Variants in MUC5B observed in about 807,000 individuals in gnomAD.
MUC5B encodes the protein mucin 5B, oligomeric mucus/gel-forming, also known as mucin-5B.
In MUC5B, 116 loss-of-function variants were observed where a neutral mutation model predicts 376.9. The observed-to-expected ratio is 0.31, with a 90% confidence interval of 0.26 to 0.36. The LOEUF (loss-of-function observed/expected upper bound fraction) is 0.36. Ranked by LOEUF, MUC5B falls within the 10% of genes least tolerant of loss-of-function variation. The pLI is 1.00. For synonymous variants in MUC5B, 3,517 were observed against 3,390.9 expected, an observed-to-expected ratio of 1.04 and a Z score of -1.29; for missense variants, 7,165 against 7,769.9, an observed-to-expected ratio of 0.92 and a Z score of 2.93.
chr11:1,239,124 C>T (rs771643016), intron 26 of MUC5B, 97 bp downstream of exon 26: 11 of 1,415,052 alleles, frequency 7.8e-6, no homozygotes, highest in Non-Finnish European at 1.1e-5. Context: ...TGGGCCTGAG[C>T]CGCACACAGA....
chr11:1,259,104 C>A (rs56020111), intron 44 of MUC5B, 43 bp downstream of exon 44: 42,623 of 1,518,332 alleles, frequency 0.028, 788 homozygotes, highest in Non-Finnish European at 0.031. Context: ...CCCCGAGGCA[C>A]CTGCCCCCAA....
In MUC5B at chr11:1,261,679, C is replaced by T. The variant is rs1862998505; in HGVS notation, c.*71C>T. On this transcript the variant is annotated 3_prime_UTR_variant, in exon 49 of 49. Coordinates refer to ENST00000529681, the MANE Select transcript of MUC5B (RefSeq NM_002458.3). ...ATGTGCATTGTCTGATCATGAAAAC[C>T]TTGGGCCTCCTCTGCGGAGCCCCCC... 3.0e-5 allele frequency: 43 copies of T among 1,442,486 alleles called. No individual in the cohort carries two copies. Among genetic ancestry groups the T allele is most frequent in the Non-Finnish European group, 4.1e-5 (43 of 1,055,226 alleles). The allele number at this position is 1,442,486 out of a possible 1,614,324, so 89.4% of individuals were successfully genotyped here.
rs1564930487 is a variant in MUC5B, at chr11:1,225,753, CG to C, written c.127+21del. On this transcript the variant is annotated intron_variant, in intron 2 of 48. Coordinates refer to ENST00000529681, the MANE Select transcript of MUC5B (RefSeq NM_002458.3). ...ATGGATGGCGGTATGTGGCCAGGTT[CG>C]GGGGTGGGGGGTTCCTGACCAGGCT... The C allele has an allele frequency of 1.2e-5, 19 of 1,596,848 alleles. No individual in the cohort carries two copies. Among genetic ancestry groups the C allele is most frequent in the Non-Finnish European group, 1.6e-5 (19 of 1,171,818 alleles).
intron 1 of MUC5B, 92 bp from the exon 2 acceptor site, chr11:1,225,589 G>C (rs999956723): frequency 2.5e-6 from 3 of 1,187,698 alleles, no homozygotes; most frequent in Non-Finnish European, 3.6e-6. Context: ...ACATGCGGCT[G>C]CCGCACCAGG....
chr11:1,256,567 C>A, intron 38 of MUC5B, 104 bp from the exon 39 acceptor site: 1 of 559,570 alleles, frequency 1.8e-6, no homozygotes, highest in South Asian at 2.0e-5. Context: ...TCCACCCATT[C>A]ATCTCCTTCC....
At position 1,232,761 on chromosome 11, in the gene MUC5B, G is replaced by A. The variant is rs751933906; in HGVS notation, c.2056G>A (p.Gly686Ser). Reference protein sequence around the residue: ...KGVQLSDWRDGVCTKYMQNCP... With the variant: ...KGVQLSDWRDSVCTKYMQNCP... ...CGTACAGCTCAGCGACTGGAGGGAC[G>A]GCGTCTGCAGTGAGTGCCCACGCTG... Residue 686 changes from glycine (G) to serine (S), a missense_variant, in exon 17 of 49, where the codon GGC becomes AGC. Physicochemically the swap from Gly to Ser is moderately conservative, Grantham distance 56 (BLOSUM62 0). Around this residue, in one of 31 missense-constraint regions of MUC5B, gnomAD observed 530 missense variants for 604.0 expected, o/e 0.88. Coordinates refer to ENST00000529681, the MANE Select transcript of MUC5B (RefSeq NM_002458.3). 78 of 1,592,282 alleles carry A rather than the reference G, an allele frequency of 4.9e-5. No homozygotes were observed. The highest frequency in any genetic ancestry group is 1.7e-4 in the Middle Eastern group (1 of 5,994).
chr11:1,240,492 C>T (rs551011057), intron 30 of MUC5B, 117 bp downstream of exon 30: 91 of 994,764 alleles, frequency 9.1e-5, no homozygotes, highest in South Asian at 8.2e-4. Flanking sequence ...ACTGACCTTC[C>T]GGGCTCTGTC....
At chr11:1,232,206 A>C in intron 15 of MUC5B, 46 bp downstream of exon 15, 1 of 1,532,734 alleles carries the variant, frequency 6.5e-7, no homozygotes, top group African/African-American at 1.4e-5. Flanking sequence ...CTCAAGTCCC[A>C]CCCAGCACCT....
chr11:1,251,518 G>C lies in MUC5B; in HGVS notation c.14638G>C (p.Val4880Leu), dbSNP rs753240122. Reference protein sequence around the residue: ...TLGTAHTPKVVTTMATMPTAT... With the variant: ...TLGTAHTPKVLTTMATMPTAT... ...GGGAACAGCTCACACCCCCAAAGTG[G>C]TGACCACCATGGCCACTATGCCCAC... is the stretch of plus-strand genomic sequence containing the variant. Residue 4880 changes from valine to leucine, a missense_variant, in exon 31 of 49, where the codon GTG becomes CTG. Val to Leu is a conservative substitution (Grantham distance 32). Transcript: ENST00000529681. The C allele has an allele frequency of 6.3e-7, 1 of 1,586,248 alleles. No individual in the cohort carries two copies. The highest frequency in any genetic ancestry group is 8.6e-7 in the Non-Finnish European group (1 of 1,162,216).
intron 47 of MUC5B, 59 bp downstream of exon 47, chr11:1,260,452 CATT>C: frequency 6.3e-7 from 1 of 1,588,114 alleles, no homozygotes; most frequent in East Asian, 2.2e-5. Flanking sequence ...GCCACCCATC[CATT>C]CCTGCCCAGA....
chr11:1,253,104 GGTGGGGCAT>G lies in MUC5B; in HGVS notation c.15217+126_15217+134del. 9.5e-7 allele frequency: 1 copy of G among 1,047,782 alleles called. No individual in the cohort carries two copies. The highest frequency in any genetic ancestry group is 1.4e-6 in the Non-Finnish European group (1 of 726,616). 64.9% of individuals were successfully genotyped at this position (1,047,782 alleles called of 1,614,324 possible). A position where few individuals can be genotyped will look rare whatever the true frequency, so the allele number is the denominator to read the frequency against. On this transcript the variant is annotated intron_variant, in intron 33 of 48. Transcript: ENST00000529681. This position sits in a 1 kb window ranked among gnomAD's most constrained non-coding sequence, Gnocchi z 4.3. ...GGTGCAGTGGGGAATGGTGGGGCAT[GGTGGGGCAT>G]GGTGGGGTGCAGTGGGGCATGGTGG... is the stretch of plus-strand genomic sequence containing the variant.
intron 12 of MUC5B, 140 bp downstream of exon 12, chr11:1,230,740 C>T (rs1862009499): frequency 1.1e-5 from 10 of 905,588 alleles, no homozygotes; most frequent in Non-Finnish European, 1.7e-5. Flanking sequence ...CCTCCAGCCC[C>T]CAGGTCAGGT....
At position 1,228,663 on chromosome 11, in the gene MUC5B, T is replaced by C. The variant is rs892458224; in HGVS notation, c.874T>C (p.Cys292Arg). The C allele has an allele frequency of 1.6e-5, 24 of 1,534,310 alleles. No homozygotes were observed. The highest frequency in any genetic ancestry group is 2.0e-5 in the Admixed American group (1 of 50,952). The change falls in exon 8 of 49, where the codon TGC (cysteine) becomes CGC (arginine). Residue 292 changes from cysteine to arginine, a missense_variant. This residue lies in a region of MUC5B where 640 missense variants were observed against 733.0 expected (regional missense o/e 0.87). Transcript: ENST00000529681. ...CCTGGCCGCCTGCGCCCAGGACCTG[T>C]GCCGCTGCCCCACCTGCCCGTGTGC... ...AYLAACAQDL[C>R]RCPTCPCATF...
In MUC5B at chr11:1,248,231, G is replaced by T. The variant is rs771574862; in HGVS notation, c.11351G>T (p.Ser3784Ile). The T allele has an allele frequency of 8.7e-6, 14 of 1,603,216 alleles. No homozygotes were observed. The highest frequency in any genetic ancestry group is 1.4e-5 in the African/African-American group (1 of 73,194). ...GCAACCGCCCTTCCAGCACTGAGAA[G>T]CACAGCCACCACACCCACAGCTACC... ...GTATALPALRSTATTPTATSF... is the reference protein window; with the variant it reads ...GTATALPALRITATTPTATSF... The change falls in exon 31 of 49, where the codon AGC (serine) becomes ATC (isoleucine). Residue 3784 changes from serine to isoleucine, a missense_variant. This residue lies in a region of MUC5B where 72 missense variants were observed against 127.8 expected (regional missense o/e 0.56). Coordinates refer to ENST00000529681, the MANE Select transcript of MUC5B (RefSeq NM_002458.3).
In MUC5B at chr11:1,262,165, A is replaced by C. The variant is rs768735162; in HGVS notation, c.*557A>C. 6.2e-6 allele frequency: 3 copies of C among 481,484 alleles called. No individual in the cohort carries two copies. The highest frequency in any genetic ancestry group is 4.6e-5 in the South Asian group (3 of 65,312). 29.8% of individuals were successfully genotyped at this position (481,484 alleles called of 1,614,324 possible). On this transcript the variant is annotated 3_prime_UTR_variant, in exon 49 of 49. Coordinates refer to ENST00000529681, the MANE Select transcript of MUC5B (RefSeq NM_002458.3). The stretch of plus-strand genomic sequence containing the variant: ...CCAGTTTTGCAAATAAACCCTGAGC[A>C]TTGAGTACGTTTCCTGTCCTGACGT...
chr11:1,258,724 T>C lies in MUC5B; in HGVS notation c.16594-218T>C, dbSNP rs1381449347. ...TGGGGTCTCTGCCCACCCAGATTCC[T>C]GCCCACATGGGGTCTCTGCCTGCCC... On this transcript the variant is annotated intron_variant, in intron 43 of 48. Transcript: ENST00000529681. The surrounding 1 kb of genome is among the most constrained non-coding windows in gnomAD (Gnocchi z 5.5). Among the ~76,000 whole-genome samples, 1 of 151,906 alleles carries C rather than the reference T, an allele frequency of 6.6e-6. No homozygotes were observed. Among genetic ancestry groups the C allele is most frequent in the African/African-American group, 2.4e-5 (1 of 41,324 alleles).
rs1862400950 is a variant in MUC5B, at chr11:1,244,698, C to G, written c.7818C>G (p.Thr2606=). The G allele has an allele frequency of 1.9e-6, 3 of 1,612,770 alleles. No homozygotes were observed. Among genetic ancestry groups the G allele is most frequent in the South Asian group, 2.2e-5 (2 of 91,046 alleles). Residue 2606 remains threonine, a synonymous_variant, in exon 31 of 49, where the codon ACC becomes ACG. Transcript: ENST00000529681. ...CCACCCCAGGAACAGCTCACACTAC[C>G]AAAGTGCTGACTACCACAACCACGG... ...PSSTPGTAHT[T]KVLTTTTTGF...
rs1862657543 is a variant in MUC5B at position 1,250,749 on chromosome 11, C to T, written c.13869C>T (p.Thr4623=). The change falls in exon 31 of 49, where the codon ACC becomes ACT. Residue 4623 remains threonine, a synonymous_variant. Transcript: ENST00000529681. ...LTPPVWISTT[T]TPTTTTPTTS... ...CTCCAGTGTGGATCAGCACAACCAC[C>T]ACACCCACAACCACCACACCCACAA... 4 of 1,600,048 alleles carry T rather than the reference C, an allele frequency of 2.5e-6. No homozygotes were observed. In the Admixed American group the frequency reaches 6.7e-5, roughly 27 times the overall value.
intron 1 of MUC5B, among the ~76,000 whole-genome samples, chr11:1,223,687 C>T (rs1048484922): frequency 6.6e-6 from 1 of 152,182 alleles, no homozygotes; most frequent in Non-Finnish European, 1.5e-5. Flanking sequence ...CAGCCAGCCG[C>T]AAGAGCCCCG....
Sources: gnomAD v4.1 joint callset for allele counts (sites outside exome capture counted in the v4.1 genomes callset) on GRCh38, gnomAD v4.1.1 for gene constraint, gnomAD v4.1.1 regional missense constraint, Gnocchi (gnomAD v3.1) non-coding constraint, MANE v1.5 for transcripts, NCBI Gene and HGNC (gene_info 2026-07-23, HGNC 2026-07-21) for gene names.